The following GRM8 variants were observed in gnomAD, a reference collection of about 807,000 sequenced individuals.
The protein encoded by GRM8 is glutamate metabotropic receptor 8.
GRM8 carries 47 observed loss-of-function variants against 87.2 expected under a neutral mutation model. The ratio of observed to expected loss-of-function variants is 0.54; its 90% CI spans 0.43 to 0.69. The LOEUF (loss-of-function observed/expected upper bound fraction) is 0.69, where lower values mean the gene tolerates loss of function less well. GRM8 is among the 30% of genes least tolerant of loss of function. The probability of loss-of-function intolerance (pLI) is 0.00; values close to 1 mark genes in which losing one functional copy is unlikely to be tolerated. For synonymous variants in GRM8, 396 were observed against 404.5 expected (o/e 0.98, Z 0.25); for missense variants, 1,019 against 1,139.2 (o/e 0.89, Z 1.52).
intron 7 of GRM8, among the ~76,000 whole-genome samples, chr7:126,676,001 TACCAA>T (rs2151318637): frequency 6.6e-6 from 1 of 152,330 alleles, no homozygotes; most frequent in Non-Finnish European, 1.5e-5. Context: ...CTAAAGACTC[TACCAA>T]AAGACTCCCA....
At chr7:126,726,530 T>C (rs1428271203) in intron 7 of GRM8, among the ~76,000 whole-genome samples, 1 of 152,100 alleles carries the variant, frequency 6.6e-6, no homozygotes, top group African/African-American at 2.4e-5. Flanking sequence ...TGGTCAACAA[T>C]TTCTGTCACT....
rs996830618 is a variant in GRM8, at chr7:126,983,804, G to T, written c.728-79121C>A. 3.3e-5 allele frequency among the ~76,000 whole-genome samples: 5 copies of T among 152,152 alleles called. No individual in the cohort carries two copies. The East Asian group carries it at 5.8e-4, about 18-fold the overall frequency. The stretch of plus-strand genomic sequence containing the variant: ...CCAGACACTTCAGGAATAAAGGTTT[G>T]GGTCACTCCACCAGGAAAAAAACCC... On this transcript the variant is annotated intron_variant, in intron 3 of 10. Transcript: ENST00000339582.
chr7:126,600,228 T>C (rs1291847572), intron 8 of GRM8, among the ~76,000 whole-genome samples: 1 of 152,166 alleles, frequency 6.6e-6, no homozygotes, highest in Non-Finnish European at 1.5e-5. Flanking sequence ...AGAAATCCGT[T>C]GATATCTGGA....
chr7:127,003,475 A>C (rs1266247699), intron 3 of GRM8, among the ~76,000 whole-genome samples: 2 of 151,724 alleles, frequency 1.3e-5, no homozygotes, highest in Non-Finnish European at 3.0e-5. Context: ...CCACATGAAG[A>C]AAGTCTATAA....
chr7:126,658,808 A>G (rs943944762), intron 7 of GRM8, among the ~76,000 whole-genome samples: 3 of 152,046 alleles, frequency 2.0e-5, no homozygotes, highest in African/African-American at 7.2e-5. Context: ...CCCGCCCAGC[A>G]GACCCTGGCC....
intron 2 of GRM8, among the ~76,000 whole-genome samples, chr7:127,132,774 C>T (rs1361807730): frequency 6.6e-6 from 1 of 152,028 alleles, no homozygotes; most frequent in Non-Finnish European, 1.5e-5. Flanking sequence ...ATGAAAGGGT[C>T]TGGGCACTCT....
intron 3 of GRM8, among the ~76,000 whole-genome samples, chr7:127,062,810 C>T (rs1279449149): frequency 1.3e-5 from 2 of 152,104 alleles, no homozygotes; most frequent in African/African-American, 2.4e-5. Context: ...GAGGTGTTCA[C>T]AGTAGTTTCT....
chr7:127,076,118 C>T, intron 3 of GRM8: 1 of 456,268 alleles, frequency 2.2e-6, no homozygotes. Flanking sequence ...GCCTCTTCGA[C>T]TAATAGACAG....
At chr7:126,557,915 A>T (rs1040328058) in intron 8 of GRM8, among the ~76,000 whole-genome samples, 4 of 152,296 alleles carry the variant, frequency 2.6e-5, no homozygotes, top group African/African-American at 9.6e-5. Context: ...TTTGTTTTAA[A>T]CTATAAATTA....
chr7:126,708,534 T>C (rs1048529862), intron 7 of GRM8, among the ~76,000 whole-genome samples: 182 of 150,362 alleles, frequency 1.2e-3, no homozygotes, highest in African/African-American at 4.3e-3. Flanking sequence ...TATCTATATA[T>C]ATGATTCTAT....
At position 127,009,868 on chromosome 7, in the gene GRM8, G is replaced by A. The variant is rs372432178; in HGVS notation, c.727+96628C>T. On this transcript the variant is annotated intron_variant, in intron 3 of 10. Transcript: ENST00000339582. ...TGTCTTTTTTTTTCTTTTTGCCATG[G>A]AGTTGCACTCTGTCACCCAGGCTGG... 9.2e-5 allele frequency among the ~76,000 whole-genome samples: 14 copies of A among 151,970 alleles called. No homozygotes were observed. In the East Asian group the frequency reaches 1.7e-3, roughly 19 times the overall value.
chr7:126,783,994 A>C (rs562693419), intron 6 of GRM8, among the ~76,000 whole-genome samples: 1 of 152,318 alleles, frequency 6.6e-6, no homozygotes, highest in East Asian at 1.9e-4. Flanking sequence ...TTACAATAAG[A>C]AGGGAGTGAA....
intron 6 of GRM8, among the ~76,000 whole-genome samples, chr7:126,836,096 C>A (rs571682793): frequency 5.9e-5 from 9 of 152,084 alleles, no homozygotes; most frequent in African/African-American, 2.2e-4. Flanking sequence ...GAAAAAAAAT[C>A]TCAAAATATA....
At chr7:127,187,000 G>A (rs1007550124) in intron 2 of GRM8, among the ~76,000 whole-genome samples, 1 of 152,206 alleles carries the variant, frequency 6.6e-6, no homozygotes, top group Non-Finnish European at 1.5e-5. Flanking sequence ...TATGAACTCA[G>A]TCACCTGAGG....
intron 9 of GRM8, among the ~76,000 whole-genome samples, chr7:126,531,493 A>G (rs968079251): frequency 6.6e-5 from 10 of 152,190 alleles, no homozygotes; most frequent in African/African-American, 2.4e-4. Flanking sequence ...CAGGTTTTCA[A>G]ATGAACACCT....
At chr7:126,655,091 T>C (rs1320488003) in intron 7 of GRM8, among the ~76,000 whole-genome samples, 1 of 152,158 alleles carries the variant, frequency 6.6e-6, no homozygotes, top group Non-Finnish European at 1.5e-5. Flanking sequence ...GGTACAACAT[T>C]GCTTTTATTT....
intron 2 of GRM8, among the ~76,000 whole-genome samples, chr7:127,118,689 T>A (rs1826847835): frequency 6.6e-6 from 1 of 152,240 alleles, no homozygotes; most frequent in African/African-American, 2.4e-5. Flanking sequence ...AATGACAGAA[T>A]AAGATTCAAA....
chr7:126,883,697 A>C (rs550505503), intron 6 of GRM8, among the ~76,000 whole-genome samples: 21 of 152,306 alleles, frequency 1.4e-4, no homozygotes, highest in Non-Finnish European at 2.6e-4. Flanking sequence ...ACCAGATGAA[A>C]GGACTCAGCC....
intron 6 of GRM8, among the ~76,000 whole-genome samples, chr7:126,824,039 T>C (rs1445231026): frequency 6.6e-6 from 1 of 152,178 alleles, no homozygotes; most frequent in Non-Finnish European, 1.5e-5. Context: ...AAATAACACT[T>C]TTGTTTAGAT....
Sources: allele counts gnomAD v4.1 joint callset (sites outside exome capture counted in the v4.1 genomes callset), GRCh38; gene constraint gnomAD v4.1.1; transcripts MANE v1.5; gene names NCBI Gene and HGNC (gene_info 2026-07-23, HGNC 2026-07-21).